The following SEMA6D variants were observed in gnomAD, a reference collection of about 807,000 sequenced individuals.
SEMA6D encodes semaphorin-6D.
SEMA6D carries 35 observed loss-of-function variants against 106.6 expected under a neutral mutation model. That is an observed-to-expected ratio of 0.33 (90% CI 0.25 to 0.44). The LOEUF is 0.44. Among genes scored for constraint, SEMA6D ranks in the 20% least tolerant of loss-of-function variants. SEMA6D has a pLI of 1.00. For synonymous variants in SEMA6D, 499 were observed against 487.7 expected (o/e 1.02, Z -0.31); for missense variants, 1,185 against 1,345.9 (o/e 0.88, Z 1.87).
At chr15:47,289,502 G>T (rs775207765) in intron 1 of SEMA6D, among the ~76,000 whole-genome samples, 16 of 151,518 alleles carry the variant, frequency 1.1e-4, no homozygotes, top group Non-Finnish European at 2.1e-4. Flanking sequence ...CTGAAACAGT[G>T]TAGCAACAAA....
At chr15:47,435,606 C>T (rs192257822) in intron 2 of SEMA6D, among the ~76,000 whole-genome samples, 187 of 152,180 alleles carry the variant, frequency 1.2e-3, no homozygotes, top group African/African-American at 4.4e-3. Context: ...GTGGCCAATT[C>T]TGCTCTGGCT....
At position 47,765,014 on chromosome 15, in the gene SEMA6D, A is replaced by G; in HGVS notation, c.1385A>G (p.Asp462Gly). The G allele has an allele frequency of 6.2e-7, 1 of 1,613,884 alleles. No individual in the cohort carries two copies. Among genetic ancestry groups the G allele is most frequent in the Non-Finnish European group, 8.5e-7 (1 of 1,179,812 alleles). Reference protein sequence around the residue: ...LAKTSPFSLNDSVLLEEIEAY... With the variant: ...LAKTSPFSLNGSVLLEEIEAY... Reference sequence around the variant, plus strand: ...AAGACCAGTCCTTTCTCTTTGAACGACAGCGTATTACTGGAAGAGATTGAA... The same window carrying G: ...AAGACCAGTCCTTTCTCTTTGAACGGCAGCGTATTACTGGAAGAGATTGAA... The change falls in exon 13 of 19, where the codon GAC becomes GGC. Residue 462 changes from aspartate (D) to glycine (G), a missense_variant. By Grantham distance (94) the Asp-to-Gly change is moderately conservative. Coordinates refer to ENST00000536845, the MANE Select transcript of SEMA6D (RefSeq NM_001358351.3).
intron 9 of SEMA6D, 87 bp downstream of exon 9, chr15:47,763,191 A>G: frequency 9.8e-7 from 1 of 1,022,350 alleles, no homozygotes; most frequent in Non-Finnish European, 1.4e-6. Context: ...CTCACTTGGC[A>G]TGTTTTCCAG....
chr15:47,201,442 T>C (rs1352104229), intron 1 of SEMA6D, among the ~76,000 whole-genome samples: 9 of 152,306 alleles, frequency 5.9e-5, no homozygotes, highest in Non-Finnish European at 1.0e-4. Context: ...TAATTTTTCC[T>C]ATGACCCTGA....
intron 1 of SEMA6D, among the ~76,000 whole-genome samples, chr15:47,400,800 G>A (rs1404649660): frequency 1.3e-5 from 2 of 152,200 alleles, no homozygotes; most frequent in African/African-American, 4.8e-5. Context: ...TTCATGGCAG[G>A]AGAAAGTTGT....
intron 4 of SEMA6D, among the ~76,000 whole-genome samples, chr15:47,619,719 TG>T (rs2077066235): frequency 6.6e-6 from 1 of 152,202 alleles, no homozygotes; most frequent in Non-Finnish European, 1.5e-5. Flanking sequence ...ACTGACTTAA[TG>T]GAGTGCTCTT....
chr15:47,538,263 C>A (rs2045238657), intron 3 of SEMA6D, among the ~76,000 whole-genome samples: 1 of 152,114 alleles, frequency 6.6e-6, no homozygotes, highest in Admixed American at 6.6e-5. Context: ...ATATTATATT[C>A]TTCACATCTA....
chr15:47,740,752 T>G (rs1190025662), intron 1 of SEMA6D, among the ~76,000 whole-genome samples: 1 of 152,060 alleles, frequency 6.6e-6, no homozygotes, highest in Non-Finnish European at 1.5e-5. Context: ...CCCAATATAC[T>G]CTTTTCCCTG....
intron 1 of SEMA6D, among the ~76,000 whole-genome samples, chr15:47,739,690 A>G (rs540162313): frequency 5.9e-5 from 9 of 152,306 alleles, no homozygotes; most frequent in African/African-American, 2.2e-4. Flanking sequence ...AGGAAAAGGG[A>G]AATTATTTGA....
intron 1 of SEMA6D, chr15:47,718,406 C>G (rs987466277): frequency 3.3e-5 from 5 of 152,420 alleles, no homozygotes; most frequent in Admixed American, 6.5e-5. Context: ...GCCCGGATTG[C>G]ACGGCCCCCG....
intron 1 of SEMA6D, among the ~76,000 whole-genome samples, chr15:47,271,283 G>A (rs1386808538): frequency 1.3e-5 from 2 of 152,152 alleles, no homozygotes; most frequent in African/African-American, 4.8e-5. Context: ...GTGGGTCTAG[G>A]GTTTTACAGA....
intron 1 of SEMA6D, among the ~76,000 whole-genome samples, chr15:47,744,832 TTTTAC>T (rs1455783420): frequency 2.0e-5 from 3 of 152,148 alleles, no homozygotes; most frequent in African/African-American, 7.2e-5. Flanking sequence ...TTGGGAAGAA[TTTTAC>T]TTTGAGTGAA....
chr15:47,694,241 A>C (rs1311941843), intron 4 of SEMA6D, among the ~76,000 whole-genome samples: 1 of 152,190 alleles, frequency 6.6e-6, no homozygotes, highest in African/African-American at 2.4e-5. Flanking sequence ...GAAAAACATT[A>C]ATCTAATGCA....
chr15:47,727,585 C>A (rs529580120), intron 1 of SEMA6D, among the ~76,000 whole-genome samples: 8 of 152,150 alleles, frequency 5.3e-5, no homozygotes, highest in Admixed American at 1.3e-4. Flanking sequence ...TGATTATGAG[C>A]TGAAGACATC....
At chr15:47,738,037 TAA>T (rs112044411) in intron 1 of SEMA6D, among the ~76,000 whole-genome samples, 320 of 144,014 alleles carry the variant, frequency 2.2e-3, no homozygotes, top group Middle Eastern at 7.2e-3. Context: ...CTGATAAACT[TAA>T]AAAAAAAAAA....
At chr15:47,384,830 T>G (rs1040781781) in intron 1 of SEMA6D, among the ~76,000 whole-genome samples, 3 of 144,996 alleles carry the variant, frequency 2.1e-5, no homozygotes, top group African/African-American at 7.7e-5. Flanking sequence ...TTTTTTTTTT[T>G]TTTTTTTTTT....
chr15:47,527,844 A>G (rs74011495), intron 3 of SEMA6D: 429 of 152,276 alleles, frequency 2.8e-3, no homozygotes, highest in African/African-American at 9.8e-3. Flanking sequence ...TATAACCCCC[A>G]GCAGGTCTGA....
intron 2 of SEMA6D, among the ~76,000 whole-genome samples, chr15:47,470,018 GA>G (rs5812397): frequency 0.32 from 48,194 of 148,404 alleles, 7,805 homozygotes; most frequent in Middle Eastern, 0.45. Flanking sequence ...CAAATGCAAT[GA>G]AAAAAAAAAC....
intron 3 of SEMA6D, among the ~76,000 whole-genome samples, chr15:47,497,357 T>C (rs760731254): frequency 1.1e-4 from 17 of 152,048 alleles, no homozygotes; most frequent in Non-Finnish European, 1.9e-4. Flanking sequence ...TTCTCCAAGC[T>C]GATGCCTTAT....
Sources: allele counts gnomAD v4.1 joint callset (sites outside exome capture counted in the v4.1 genomes callset), GRCh38; gene constraint gnomAD v4.1.1; transcripts MANE v1.5; gene names NCBI Gene and HGNC (gene_info 2026-07-23, HGNC 2026-07-21).